Variants in SNX8 observed in about 807,000 individuals in gnomAD.
SNX8 encodes sorting nexin-8.
SNX8 carries 25 observed loss-of-function variants against 51.6 expected under a neutral mutation model. That is an observed-to-expected ratio of 0.48 (90% CI 0.35 to 0.68). The LOEUF (loss-of-function observed/expected upper bound fraction) is 0.68, where lower values mean the gene tolerates loss of function less well. SNX8 is among the 30% of genes least tolerant of loss of function. The probability of loss-of-function intolerance (pLI) is 0.00; values close to 1 mark genes in which losing one functional copy is unlikely to be tolerated. For synonymous variants in SNX8, 324 were observed against 277.0 expected (o/e 1.17, Z -1.68); for missense variants, 695 against 624.0 (o/e 1.11, Z -1.21).
chr7:2,278,229 C>A lies in SNX8; in HGVS notation c.171G>T (p.Pro57=), dbSNP rs202134258. ...QVPAPSRMQM[P]QGNPLLLSHT... ...GGGACAGCAGCAGCGGGTTCCCCTG[C>A]GGCATCTGCATTCGACTGGGGGCTG... is the stretch of plus-strand genomic sequence containing the variant. The change falls in exon 2 of 11, where the codon CCG becomes CCT. Residue 57 remains proline, a synonymous_variant. Coordinates refer to ENST00000222990, the MANE Select transcript of SNX8 (RefSeq NM_013321.4). 4.3e-6 allele frequency: 7 copies of A among 1,611,880 alleles called. No individual in the cohort carries two copies. Among genetic ancestry groups the A allele is most frequent in the Non-Finnish European group, 5.1e-6 (6 of 1,178,656 alleles).
intron 1 of SNX8, among the ~76,000 whole-genome samples, chr7:2,326,448 G>A (rs551169364): frequency 2.0e-5 from 3 of 150,942 alleles, no homozygotes; most frequent in Admixed American, 6.6e-5. Flanking sequence ...GGCAGATCAC[G>A]AGGTCAGGAG....
chr7:2,348,950 CAAAAAAAAAAAA>C (rs60816121), intron 1 of SNX8, among the ~76,000 whole-genome samples: 1 of 55,744 alleles, frequency 1.8e-5, no homozygotes, highest in African/African-American at 7.6e-5. Context: ...GACTCTGTCT[CAAAAAAAAAAAA>C]AAAAAAAAAA....
intron 1 of SNX8, among the ~76,000 whole-genome samples, chr7:2,332,712 T>G (rs566338555): frequency 7.0e-6 from 1 of 142,534 alleles, no homozygotes; most frequent in African/African-American, 2.7e-5. Flanking sequence ...ATGGGACCAC[T>G]GTACTCCAGT....
intron 1 of SNX8, among the ~76,000 whole-genome samples, chr7:2,287,297 T>G (rs185731747): frequency 1.3e-5 from 2 of 150,930 alleles, no homozygotes; most frequent in African/African-American, 4.9e-5. Context: ...AAGTGATTAT[T>G]GTCCAGGCGG....
At chr7:2,314,466 G>A (rs1290673722), upstream of SNX8, 1 of 1,192,406 alleles carries the variant, frequency 8.4e-7, no homozygotes, top group African/African-American at 1.6e-5. Flanking sequence ...CCACCCGGCC[G>A]CGCAGCCCTG....
At chr7:2,268,562 C>T (rs1156402742) in intron 5 of SNX8, among the ~76,000 whole-genome samples, 1 of 147,250 alleles carries the variant, frequency 6.8e-6, no homozygotes, top group Non-Finnish European at 1.5e-5. Flanking sequence ...GGGGTCAGCC[C>T]CCCGCCTGGC....
At position 2,314,423 on chromosome 7, in the gene SNX8, T is replaced by A; in HGVS notation, c.-2A>T. On this transcript the variant is annotated 5_prime_UTR_variant, in exon 1 of 11. Coordinates refer to ENST00000222990, the MANE Select transcript of SNX8 (RefSeq NM_013321.4). Reference sequence around the variant, plus strand: ...CGGGTCCATCGCGCGGCCAGTCATGTGAGCCCGCGCTCCCACGTGACTTCC... The same window carrying A: ...CGGGTCCATCGCGCGGCCAGTCATGAGAGCCCGCGCTCCCACGTGACTTCC... The A allele has an allele frequency of 8.2e-7, 1 of 1,214,636 alleles. No homozygotes were observed. Among genetic ancestry groups the A allele is most frequent in the Non-Finnish European group, 1.0e-6 (1 of 976,678 alleles). The allele number at this position is 1,214,636 out of a possible 1,614,324, so 75.2% of individuals were successfully genotyped here.
At chr7:2,327,753 A>G (rs991004443) in intron 1 of SNX8, among the ~76,000 whole-genome samples, 1 of 151,826 alleles carries the variant, frequency 6.6e-6, no homozygotes, top group Non-Finnish European at 1.5e-5. Flanking sequence ...CGTGTTAGCC[A>G]GGATGGTCTC....
chr7:2,329,585 T>C (rs1395114090), intron 1 of SNX8, among the ~76,000 whole-genome samples: 1 of 152,110 alleles, frequency 6.6e-6, no homozygotes, highest in Non-Finnish European at 1.5e-5. Context: ...GACTCTAACC[T>C]TCCCCCACCT....
chr7:2,257,324 G>T (rs1415054621), intron 9 of SNX8, 41 bp downstream of exon 9: 25 of 1,584,938 alleles, frequency 1.6e-5, no homozygotes, highest in Admixed American at 3.4e-5. Flanking sequence ...GCCGGGAGGG[G>T]AAAGGCTCCC....
At chr7:2,328,199 G>A (rs769693669) in intron 1 of SNX8, among the ~76,000 whole-genome samples, 6 of 152,054 alleles carry the variant, frequency 3.9e-5, no homozygotes, top group Non-Finnish European at 4.4e-5. Context: ...CTACAGGCAC[G>A]TGTCACCACG....
intron 1 of SNX8, among the ~76,000 whole-genome samples, chr7:2,292,590 T>C (rs183207400): frequency 6.7e-4 from 102 of 152,080 alleles, no homozygotes; most frequent in Middle Eastern, 6.8e-3. Flanking sequence ...TTTTTGTATT[T>C]TTAGTAGAAA....
intron 5 of SNX8, among the ~76,000 whole-genome samples, chr7:2,268,315 G>A (rs1255317514): frequency 1.4e-3 from 181 of 130,294 alleles, no homozygotes; most frequent in South Asian, 1.5e-3. Context: ...CAACCACCCC[G>A]TCTGAGAAGT....
chr7:2,335,879 T>G (rs1778819351), intron 1 of SNX8, among the ~76,000 whole-genome samples: 1 of 150,892 alleles, frequency 6.6e-6, no homozygotes, highest in African/African-American at 2.4e-5. Context: ...AATGTTAATT[T>G]GTGGTGAAAG....
chr7:2,349,285 C>T (rs759102640), intron 1 of SNX8, among the ~76,000 whole-genome samples: 2 of 151,870 alleles, frequency 1.3e-5, no homozygotes, highest in African/African-American at 2.4e-5. Context: ...ATCTTAACCA[C>T]GTTAAAGCAT....
intron 1 of SNX8, among the ~76,000 whole-genome samples, chr7:2,304,228 AAAG>A (rs1268548398): frequency 6.6e-6 from 1 of 150,634 alleles, no homozygotes; most frequent in Non-Finnish European, 1.5e-5. Context: ...CCTGCTCTGC[AAAG>A]AAGGACCGAC....
Position 2,252,272 on chromosome 7 carries a change from G to C in SNX8, c.*2784C>G, listed in dbSNP as rs898961538. ...ATGACCGGCACAAGCTTGGGCTTGG[G>C]CCGTGGGCAGCAGGAGGGCTGGAGA... On this transcript the variant is annotated 3_prime_UTR_variant, in exon 11 of 11. Coordinates refer to ENST00000222990, the MANE Select transcript of SNX8 (RefSeq NM_013321.4). 3 of 152,362 alleles carry C rather than the reference G, an allele frequency of 2.0e-5. No homozygotes were observed. The highest frequency in any genetic ancestry group is 2.9e-5 in the Non-Finnish European group (2 of 68,140). The allele number at this position is 152,362 out of a possible 1,614,324, so 9.4% of individuals were successfully genotyped here.
intron 1 of SNX8, among the ~76,000 whole-genome samples, chr7:2,302,025 C>T (rs1259895805): frequency 6.6e-6 from 1 of 152,216 alleles, no homozygotes; most frequent in African/African-American, 2.4e-5. Flanking sequence ...GGCAGATCAC[C>T]AGGTCAAGAG....
At chr7:2,277,852 G>A (rs1584692178) in intron 2 of SNX8, among the ~76,000 whole-genome samples, 1 of 151,992 alleles carries the variant, frequency 6.6e-6, no homozygotes, top group East Asian at 1.9e-4. Context: ...CAGTGGTGGG[G>A]AGGACAAACT....
Sources: gnomAD v4.1 joint callset for allele counts (sites outside exome capture counted in the v4.1 genomes callset) on GRCh38, gnomAD v4.1.1 for gene constraint, MANE v1.5 for transcripts, NCBI Gene and HGNC (gene_info 2026-07-23, HGNC 2026-07-21) for gene names.